NEDD4L: variants seen among roughly 807,000 people sequenced by gnomAD.
NEDD4L encodes the protein E3 ubiquitin-protein ligase NEDD4-like.
NEDD4L carries 54 observed loss-of-function variants against 148.9 expected under a neutral mutation model. That is an observed-to-expected ratio of 0.36 (90% confidence interval 0.29 to 0.45). The LOEUF is 0.45. Among genes scored for constraint, NEDD4L ranks in the 20% least tolerant of loss-of-function variants. NEDD4L has a pLI of 1.00. For missense variants in NEDD4L, 856 were observed against 1,233.8 expected (o/e 0.69, Z 4.59); for synonymous variants, 433 against 440.7 (o/e 0.98, Z 0.22).
At chr18:58,109,934 C>T (rs1354290143) in intron 1 of NEDD4L, among the ~76,000 whole-genome samples, 1 of 152,164 alleles carries the variant, frequency 6.6e-6, no homozygotes, top group Non-Finnish European at 1.5e-5. Context: ...ACCAAACTGA[C>T]AGCAGCTTGG....
Position 58,258,640 on chromosome 18 carries a change from T to G in NEDD4L, c.297+6586T>G, listed in dbSNP as rs573077241. ...TATAAATTCTGGAATAAAGAGCTTT[T>G]CTTGGAGAGTAAGTTCCAACTAGTG... is the stretch of plus-strand genomic sequence containing the variant. On this transcript the variant is annotated intron_variant, in intron 5 of 30. Coordinates refer to ENST00000400345, the MANE Select transcript of NEDD4L (RefSeq NM_001144967.3). Among the ~76,000 whole-genome samples, 23 of 152,370 alleles carry G rather than the reference T, an allele frequency of 1.5e-4. No individual in the cohort carries two copies. The South Asian group carries it at 3.5e-3, about 23-fold the overall frequency.
At chr18:58,055,434 C>CT (rs939274757) in intron 1 of NEDD4L, among the ~76,000 whole-genome samples, 1 of 152,034 alleles carries the variant, frequency 6.6e-6, no homozygotes, top group Non-Finnish European at 1.5e-5. Context: ...TACAATAAAC[C>CT]TTTTTTTCTT....
At chr18:58,259,658 G>C (rs561484808) in intron 5 of NEDD4L, among the ~76,000 whole-genome samples, 6 of 152,268 alleles carry the variant, frequency 3.9e-5, no homozygotes, top group African/African-American at 1.4e-4. Context: ...CCGTTACTTG[G>C]AAAGTTTCAG....
At position 58,374,895 on chromosome 18, in the gene NEDD4L, A is replaced by G. The variant is rs367617414; in HGVS notation, c.2352+1626A>G. Among the ~76,000 whole-genome samples, 29 of 151,384 alleles carry G rather than the reference A, an allele frequency of 1.9e-4. No individual in the cohort carries two copies. In the East Asian group the frequency reaches 2.9e-3, roughly 15 times the overall value. On this transcript the variant is annotated intron_variant, in intron 24 of 30. Transcript: ENST00000400345. ...CCTACCTGTGGCTCCGGCTGCACCC[A>G]TCTCCGCTCACCACCAGCCTCTTAT...
chr18:58,187,567 G>A (rs1276874845), intron 2 of NEDD4L, among the ~76,000 whole-genome samples: 1 of 152,162 alleles, frequency 6.6e-6, no homozygotes, highest in Non-Finnish European at 1.5e-5. Flanking sequence ...ATTTTCTGTA[G>A]TAGATGAAAA....
chr18:58,168,429 A>G (rs1458766094), intron 2 of NEDD4L, among the ~76,000 whole-genome samples: 2 of 152,220 alleles, frequency 1.3e-5, no homozygotes, highest in Non-Finnish European at 2.9e-5. Context: ...AAAACCACTC[A>G]TGCCACTGTG....
At chr18:58,267,466 C>A (rs1011393483) in intron 5 of NEDD4L, among the ~76,000 whole-genome samples, 2 of 152,018 alleles carry the variant, frequency 1.3e-5, no homozygotes, top group Non-Finnish European at 2.9e-5. Context: ...GAGGGCAAGG[C>A]GGGAGCTGAG....
At chr18:58,231,826 G>T (rs1599992472) in intron 2 of NEDD4L, among the ~76,000 whole-genome samples, 1 of 152,150 alleles carries the variant, frequency 6.6e-6, no homozygotes, top group Non-Finnish European at 1.5e-5. Flanking sequence ...GGCCTCCCAA[G>T]GTGCTGGGAT....
At chr18:58,334,853 T>A (rs1472299763) in intron 12 of NEDD4L, among the ~76,000 whole-genome samples, 1 of 152,212 alleles carries the variant, frequency 6.6e-6, no homozygotes, top group Non-Finnish European at 1.5e-5. Context: ...GAGTCATTTG[T>A]GACTTACACT....
At chr18:58,386,600 T>C (rs1269386340) in intron 26 of NEDD4L, among the ~76,000 whole-genome samples, 1 of 152,214 alleles carries the variant, frequency 6.6e-6, no homozygotes, top group Non-Finnish European at 1.5e-5. Flanking sequence ...TTAAACAGTA[T>C]TCCACTTGGA....
chr18:58,325,738 G>A (rs2059258872), intron 9 of NEDD4L, among the ~76,000 whole-genome samples: 1 of 152,196 alleles, frequency 6.6e-6, no homozygotes. Context: ...CAGGGATGCA[G>A]TAAACCAATT....
chr18:58,093,650 G>A (rs186855027), intron 1 of NEDD4L, among the ~76,000 whole-genome samples: 1 of 152,222 alleles, frequency 6.6e-6, no homozygotes. Flanking sequence ...ACAGTTGGTG[G>A]TAGTCTTATA....
Position 58,053,377 on chromosome 18 carries a change from C to T in NEDD4L, c.48+8669C>T, listed in dbSNP as rs181940549. 3.2e-3 allele frequency among the ~76,000 whole-genome samples: 486 copies of T among 152,096 alleles called. 1 individual carries two copies. The highest frequency in any genetic ancestry group is 0.011 in the African/African-American group (454 of 41,480). Reference sequence around the variant, plus strand: ...AGGCTGGAGTGCAGTGGTGCAATCTCGGCTCACTGCAAGCTCTGCCTCCCG... The same window carrying T: ...AGGCTGGAGTGCAGTGGTGCAATCTTGGCTCACTGCAAGCTCTGCCTCCCG... On this transcript the variant is annotated intron_variant, in intron 1 of 30. Transcript: ENST00000400345.
At chr18:58,186,099 A>G (rs2039455776) in intron 2 of NEDD4L, among the ~76,000 whole-genome samples, 1 of 140,934 alleles carries the variant, frequency 7.1e-6, no homozygotes, top group Non-Finnish European at 1.5e-5. Context: ...AAGGATACGT[A>G]TGCACACGGG....
At chr18:58,121,112 G>T (rs1320529202) in intron 1 of NEDD4L, among the ~76,000 whole-genome samples, 1 of 151,928 alleles carries the variant, frequency 6.6e-6, no homozygotes, top group Non-Finnish European at 1.5e-5. Context: ...CTTTTTTTTG[G>T]TGGGGAGAAC....
In NEDD4L at chr18:58,156,324, A is replaced by G. The variant is rs116805277; in HGVS notation, c.49-9464A>G. Among the ~76,000 whole-genome samples, 1,373 of 152,312 alleles carry G rather than the reference A, an allele frequency of 9.0e-3. 14 individuals are homozygous for G. The highest frequency in any genetic ancestry group is 0.031 in the African/African-American group (1,277 of 41,562). On this transcript the variant is annotated intron_variant, in intron 1 of 30. Coordinates refer to ENST00000400345, the MANE Select transcript of NEDD4L (RefSeq NM_001144967.3). ...CTAGAGATGCTTTAATTTCATTTCA[A>G]TTGGTTATTGCATCCCTGATATTTT...
intron 1 of NEDD4L, among the ~76,000 whole-genome samples, chr18:58,131,837 C>T (rs1054409466): frequency 1.3e-5 from 2 of 152,058 alleles, no homozygotes; most frequent in African/African-American, 2.4e-5. Context: ...TGGAATCTTG[C>T]GTTGCTGTAT....
intron 2 of NEDD4L, chr18:58,195,537 C>G (rs2040569704): frequency 6.7e-6 from 9 of 1,341,522 alleles, no homozygotes; most frequent in Non-Finnish European, 8.8e-6. Context: ...GGAGCGGCTG[C>G]AGAGCCCTGT....
rs536372802 is a variant in NEDD4L at position 58,066,634 on chromosome 18, TC to T, written c.48+21928del. 5.7e-3 allele frequency among the ~76,000 whole-genome samples: 874 copies of T among 152,094 alleles called. 7 individuals are homozygous for T. Among genetic ancestry groups the T allele is most frequent in the Non-Finnish European group, 9.5e-3 (648 of 67,988 alleles). On this transcript the variant is annotated intron_variant, in intron 1 of 30. Coordinates refer to ENST00000400345, the MANE Select transcript of NEDD4L (RefSeq NM_001144967.3). ...CGCCCGGCCAAGTCCGTTTTTACAC[TC>T]CTATAACGACATACATGAGACTGCG...
Sources: gnomAD v4.1 joint callset for allele counts (sites outside exome capture counted in the v4.1 genomes callset) on GRCh38, gnomAD v4.1.1 for gene constraint, MANE v1.5 for transcripts, NCBI Gene and HGNC (gene_info 2026-07-23, HGNC 2026-07-21) for gene names.